The following TAFA1 variants were observed in gnomAD, a reference collection of about 807,000 sequenced individuals.
TAFA1 encodes TAFA chemokine like family member 1.
A neutral mutation model predicts 18.5 loss-of-function variants in TAFA1; 4 were observed. The observed-to-expected ratio is 0.22, with a 90% CI of 0.11 to 0.49. The LOEUF is 0.49. Ranked by LOEUF, TAFA1 falls within the 20% of genes least tolerant of loss-of-function variation. The pLI is 0.98. For missense variants in TAFA1, 147 were observed against 169.0 expected, an observed-to-expected ratio of 0.87 and a Z score of 0.72; for synonymous variants, 56 against 55.2, an observed-to-expected ratio of 1.01 and a Z score of -0.06.
chr3:68,463,804 A>G (rs1019349971), intron 3 of TAFA1, among the ~76,000 whole-genome samples: 4 of 152,114 alleles, frequency 2.6e-5, no homozygotes, highest in Non-Finnish European at 5.9e-5. Flanking sequence ...TCCGTGTTCC[A>G]TATCTACTGA....
chr3:68,337,298 G>T (rs569027471), intron 2 of TAFA1, among the ~76,000 whole-genome samples: 3 of 152,168 alleles, frequency 2.0e-5, no homozygotes, highest in East Asian at 1.9e-4. Flanking sequence ...GAGAGAATGG[G>T]GCAGGGGGAG....
chr3:68,109,115 C>T (rs2065236003), intron 2 of TAFA1, among the ~76,000 whole-genome samples: 1 of 151,788 alleles, frequency 6.6e-6, no homozygotes, highest in Non-Finnish European at 1.5e-5. Flanking sequence ...GCATTGTTGA[C>T]TCGATTATTT....
intron 3 of TAFA1, among the ~76,000 whole-genome samples, chr3:68,512,697 TTTGTTTG>T (rs2072867811): frequency 1.3e-5 from 2 of 151,404 alleles, no homozygotes; most frequent in Non-Finnish European, 2.9e-5. Context: ...TGTTTGTTTG[TTTGTTTG>T]TTTGTTTGTT....
intron 2 of TAFA1, among the ~76,000 whole-genome samples, chr3:68,231,818 G>T (rs1012456373): frequency 2.6e-5 from 4 of 152,110 alleles, no homozygotes; most frequent in African/African-American, 9.7e-5. Context: ...TCCCAGAAAG[G>T]TTCCTCGTGC....
intron 2 of TAFA1, among the ~76,000 whole-genome samples, chr3:68,031,007 T>C (rs1704923804): frequency 6.6e-6 from 1 of 151,782 alleles, no homozygotes; most frequent in East Asian, 1.9e-4. Flanking sequence ...AAAAGAAATA[T>C]CATGGATTTT....
intron 2 of TAFA1, among the ~76,000 whole-genome samples, chr3:68,327,965 G>A (rs1004178798): frequency 6.6e-6 from 1 of 152,114 alleles, no homozygotes; most frequent in Non-Finnish European, 1.5e-5. Flanking sequence ...TTTAATGGAG[G>A]CATCTGGGTA....
chr3:68,144,925 A>G (rs2065718592), intron 2 of TAFA1: 4 of 735,846 alleles, frequency 5.4e-6, no homozygotes, highest in Non-Finnish European at 7.4e-6. Context: ...CATATCTTAG[A>G]GAGTTGTTGT....
At chr3:68,308,887 C>A (rs2068468630) in intron 2 of TAFA1, among the ~76,000 whole-genome samples, 1 of 152,154 alleles carries the variant, frequency 6.6e-6, no homozygotes, top group Admixed American at 6.5e-5. Flanking sequence ...ATTTAATATT[C>A]TAGCCTACAC....
At chr3:68,038,143 T>C (rs1705091242) in intron 2 of TAFA1, among the ~76,000 whole-genome samples, 2 of 152,174 alleles carry the variant, frequency 1.3e-5, no homozygotes, top group Admixed American at 6.6e-5. Flanking sequence ...CTGTCTTGCC[T>C]TGTAGAATTC....
At chr3:68,385,309 C>T (rs2070069497) in intron 2 of TAFA1, among the ~76,000 whole-genome samples, 1 of 152,060 alleles carries the variant, frequency 6.6e-6, no homozygotes, top group African/African-American at 2.4e-5. Context: ...ACTGTGTAAA[C>T]AACATGGCGT....
rs185442278 is a variant in TAFA1 at position 68,164,878 on chromosome 3, C to A, written c.118+158134C>A. ...CCTCTGCATATCCTCTGAGATGTATCATTTTAAGAATGTATTTCCCCCACC... is the reference window on the plus strand; with the variant it reads ...CCTCTGCATATCCTCTGAGATGTATAATTTTAAGAATGTATTTCCCCCACC... On this transcript the variant is annotated intron_variant, in intron 2 of 4. Transcript: ENST00000478136. 5.3e-4 allele frequency among the ~76,000 whole-genome samples: 80 copies of A among 152,164 alleles called. 1 individual carries two copies. The highest frequency in any genetic ancestry group is 1.8e-3 in the African/African-American group (73 of 41,484).
At chr3:68,356,633 C>T (rs949125108) in intron 2 of TAFA1, among the ~76,000 whole-genome samples, 2 of 151,850 alleles carry the variant, frequency 1.3e-5, no homozygotes, top group Non-Finnish European at 2.9e-5. Context: ...TGGCTTCTCA[C>T]ACCAAAGATC....
chr3:68,429,906 A>G (rs763818048), intron 3 of TAFA1, among the ~76,000 whole-genome samples: 1 of 151,928 alleles, frequency 6.6e-6, no homozygotes, highest in Non-Finnish European at 1.5e-5. Context: ...GTAATGTACT[A>G]TAATCTTTGT....
rs1408315847 is a variant in TAFA1 at position 68,370,498 on chromosome 3, A to ACG, written c.119-46782_119-46781insCG. On this transcript the variant is annotated intron_variant, in intron 2 of 4. Coordinates refer to ENST00000478136, the MANE Select transcript of TAFA1 (RefSeq NM_213609.4). Reference sequence around the variant, plus strand: ...TATATATATATATATATATATATATATATATATATATATATATACCCACAT... The same window carrying ACG: ...TATATATATATATATATATATATATACGTATATATATATATATATACCCACAT... Among the ~76,000 whole-genome samples, 43 of 64,056 alleles carry ACG rather than the reference A, an allele frequency of 6.7e-4. 1 individual carries two copies. Among genetic ancestry groups the ACG allele is most frequent in the East Asian group, 4.4e-3 (10 of 2,248 alleles). 42.0% of individuals were successfully genotyped at this position (64,056 alleles called of 152,430 possible).
At chr3:68,432,083 G>A (rs138951647) in intron 3 of TAFA1, among the ~76,000 whole-genome samples, 2 of 151,876 alleles carry the variant, frequency 1.3e-5, no homozygotes, top group Non-Finnish European at 2.9e-5. Context: ...CACCAGGGCC[G>A]GATGGTGGTG....
In TAFA1 at chr3:68,191,853, A is replaced by C. The variant is rs550606112; in HGVS notation, c.118+185109A>C. Among the ~76,000 whole-genome samples, 5 of 151,952 alleles carry C rather than the reference A, an allele frequency of 3.3e-5. 1 individual carries two copies. The South Asian group carries it at 1.0e-3, about 31-fold the overall frequency. On this transcript the variant is annotated intron_variant, in intron 2 of 4. Transcript: ENST00000478136. ...GGCCTGATTGATATAGTTATTATCT[A>C]AGACGTGATTTGGTGGTGTTTTCGT... is the stretch of plus-strand genomic sequence containing the variant.
chr3:68,062,324 C>T (rs188978289), intron 2 of TAFA1, among the ~76,000 whole-genome samples: 1 of 152,210 alleles, frequency 6.6e-6, no homozygotes, highest in East Asian at 1.9e-4. Flanking sequence ...CAGTAGTTGC[C>T]ATATGGGGCT....
At chr3:68,147,443 A>G (rs2065755033) in intron 2 of TAFA1, among the ~76,000 whole-genome samples, 2 of 151,864 alleles carry the variant, frequency 1.3e-5, no homozygotes. Flanking sequence ...TGTCCAGCCT[A>G]GTGTCTCTCC....
intron 4 of TAFA1, among the ~76,000 whole-genome samples, chr3:68,543,769 C>G (rs983562106): frequency 1.3e-5 from 2 of 152,070 alleles, no homozygotes; most frequent in African/African-American, 4.8e-5. Flanking sequence ...GTACATGCGT[C>G]CTTTTGAATA....
Sources: gnomAD v4.1 joint callset for allele counts (sites outside exome capture counted in the v4.1 genomes callset) on GRCh38, gnomAD v4.1.1 for gene constraint, MANE v1.5 for transcripts, NCBI Gene and HGNC (gene_info 2026-07-23, HGNC 2026-07-21) for gene names.